The following NPHP4 variants were observed in gnomAD, a reference collection of about 807,000 sequenced individuals.
NPHP4 encodes the protein nephrocystin-4.
Under a neutral mutation model 155.8 loss-of-function variants are expected in NPHP4, and 151 were observed. The ratio of observed to expected loss-of-function variants is 0.97; its 90% confidence interval spans 0.85 to 1.11. NPHP4 has a LOEUF of 1.11. Ranked by LOEUF, NPHP4 falls within the 50% of genes least tolerant of loss-of-function variation. NPHP4 has a pLI of 0.00. For synonymous variants in NPHP4, 845 were observed against 816.8 expected (o/e 1.03, Z -0.59); for missense variants, 1,956 against 1,925.7 (o/e 1.02, Z -0.29).
chr1:5,956,148 C>T (rs906513623), intron 6 of NPHP4, among the ~76,000 whole-genome samples: 1 of 151,058 alleles, frequency 6.6e-6, no homozygotes, highest in African/African-American at 2.4e-5. Context: ...TAGGAAAGAT[C>T]ACTTGTGTGC....
chr1:5,976,482 G>A (rs1653607700), intron 3 of NPHP4, among the ~76,000 whole-genome samples: 2 of 152,292 alleles, frequency 1.3e-5, no homozygotes, highest in South Asian at 4.1e-4. Flanking sequence ...GTCTGGCATT[G>A]CCAGCACCGG....
intron 18 of NPHP4, among the ~76,000 whole-genome samples, chr1:5,883,266 C>T (rs759188695): frequency 1.5e-4 from 23 of 152,276 alleles, no homozygotes; most frequent in African/African-American, 5.3e-4. Context: ...GTTCACACTC[C>T]GGGCCACGCT....
In NPHP4 at chr1:5,937,711, C is replaced by A. The variant is rs943222338; in HGVS notation, c.1120-4382G>T. On this transcript the variant is annotated intron_variant, in intron 9 of 29. Transcript: ENST00000378156. ...AGAGCTGGGCCCAGGGGAACTGCCA[C>A]CTCGATGGAGGTGACATGTGGCACT... Among the ~76,000 whole-genome samples the A allele has an allele frequency of 6.6e-5, 10 of 152,348 alleles. 1 individual carries two copies. The highest frequency in any genetic ancestry group is 5.2e-4 in the Admixed American group (8 of 15,310).
In NPHP4 at chr1:5,947,159, G is replaced by GC. The variant is rs1647146863; in HGVS notation, c.1063dup (p.Ala355GlyfsTer47). ...CACGTACTCCAGCTGGAAGATGACC[G>GC]CAAATGCAGGGTGGCCGACCATCTC... is the stretch of plus-strand genomic sequence containing the variant. On this transcript the variant is annotated frameshift_variant, in exon 9 of 30. Transcript: ENST00000378156. LOFTEE classifies it high-confidence loss of function. The GC allele has an allele frequency of 6.2e-7, 1 of 1,613,818 alleles. No homozygotes were observed. Among genetic ancestry groups the GC allele is most frequent in the South Asian group, 1.1e-5 (1 of 91,088 alleles).
chr1:5,987,945 G>A lies in NPHP4; in HGVS notation c.-38-1618C>T, dbSNP rs182191716. 4.2e-3 allele frequency among the ~76,000 whole-genome samples: 647 copies of A among 152,326 alleles called. 7 individuals carry two copies. Among genetic ancestry groups the A allele is most frequent in the African/African-American group, 0.014 (600 of 41,558 alleles). ...TAAGAACATTTGTATCCTCTACCAT[G>A]AGCCTACTAGCTTCACACTTCTTCA... On this transcript the variant is annotated intron_variant, in intron 1 of 29. Transcript: ENST00000378156.
At chr1:5,962,324 C>CA (rs1487017588) in intron 5 of NPHP4, among the ~76,000 whole-genome samples, 1 of 152,098 alleles carries the variant, frequency 6.6e-6, no homozygotes, top group Non-Finnish European at 1.5e-5. Flanking sequence ...GGATTACAGG[C>CA]ATGAGACACC....
intron 5 of NPHP4, among the ~76,000 whole-genome samples, chr1:5,965,759 G>C (rs563840867): frequency 6.6e-6 from 1 of 152,086 alleles, no homozygotes; most frequent in Non-Finnish European, 1.5e-5. Flanking sequence ...CATCGCTGCT[G>C]CTGCCCAGCG....
At chr1:5,947,310 A>T in intron 8 of NPHP4, 80 bp from the exon 9 acceptor site, 1 of 1,522,592 alleles carries the variant, frequency 6.6e-7, no homozygotes, top group Non-Finnish European at 9.0e-7. Context: ...CACTGTCAGA[A>T]CAGTCAAGGG....
At chr1:5,937,319 G>C (rs572064094) in intron 9 of NPHP4, among the ~76,000 whole-genome samples, 3 of 152,228 alleles carry the variant, frequency 2.0e-5, no homozygotes, top group Admixed American at 1.3e-4. Context: ...CCTCAGAGCT[G>C]TGAGAGCACA....
chr1:5,867,518 G>A lies in NPHP4; in HGVS notation c.3472+222C>T. On this transcript the variant is annotated intron_variant, in intron 24 of 29. Coordinates refer to ENST00000378156, the MANE Select transcript of NPHP4 (RefSeq NM_015102.5). The surrounding 1 kb of genome is among the most constrained non-coding windows in gnomAD (Gnocchi z 4.1). ...CCGCGGGAGCTGGGATTTTTTAGAA[G>A]GGCAGACTCAGCCGGCAAATGCGCA... The A allele has an allele frequency of 3.4e-6, 2 of 596,242 alleles. No individual in the cohort carries two copies. The highest frequency in any genetic ancestry group is 5.9e-6 in the Non-Finnish European group (2 of 338,294). 36.9% of individuals were successfully genotyped at this position (596,242 alleles called of 1,614,324 possible). A position where few individuals can be genotyped will look rare whatever the true frequency, so the allele number is the denominator to read the frequency against.
chr1:5,885,893 G>C (rs1319578360), intron 18 of NPHP4, among the ~76,000 whole-genome samples: 3 of 152,220 alleles, frequency 2.0e-5, no homozygotes. Context: ...GAGTGCTGCG[G>C]GTGGATTCGA....
chr1:5,890,894 T>C lies in NPHP4; in HGVS notation c.2278A>G (p.Ile760Val), dbSNP rs1044293014. The change falls in exon 17 of 30, where the codon ATC (isoleucine) becomes GTC (valine). Residue 760 changes from isoleucine to valine, a missense_variant. Coordinates refer to ENST00000378156, the MANE Select transcript of NPHP4 (RefSeq NM_015102.5). This position sits in a 1 kb window ranked among gnomAD's most constrained non-coding sequence, Gnocchi z 4.9. ...TTCATCTGGACGGCAGCAGATCCGA[T>C]GAGCAGCAGGGAGTCTCCGTCCCAG... ...DVWDGDSLLL[I>V]GSAAVQMKHL... 9.3e-6 allele frequency: 15 copies of C among 1,610,554 alleles called. No homozygotes were observed. Among genetic ancestry groups the C allele is most frequent in the Admixed American group, 1.7e-5 (1 of 59,782 alleles).
At chr1:5,903,902 C>T (rs975158214) in intron 16 of NPHP4, among the ~76,000 whole-genome samples, 6 of 152,136 alleles carry the variant, frequency 3.9e-5, no homozygotes, top group South Asian at 4.1e-4. Context: ...AAGGGCGCAG[C>T]GGAGGTGCAG....
rs985774455 is a variant in NPHP4 at position 5,863,929 on chromosome 1, G to A, written c.4101C>T (p.Asp1367=). 9 of 1,613,790 alleles carry A rather than the reference G, an allele frequency of 5.6e-6. No homozygotes were observed. The African/African-American group carries it at 9.3e-5, about 17-fold the overall frequency. ...CTCTGAACCGCAGCAGCTCCGGGTG[G>A]TCGCTGTGCAGGTGGAATGTCCTCC... ...PSRRTFHLHS[D]HPELLRFRED... is the part of the protein sequence containing the mutation. Residue 1367 remains aspartate, a synonymous_variant, in exon 29 of 30, where the codon GAC becomes GAT. Transcript: ENST00000378156.
intron 3 of NPHP4, among the ~76,000 whole-genome samples, chr1:5,973,502 A>G (rs937077920): frequency 2.7e-4 from 41 of 152,188 alleles, no homozygotes; most frequent in African/African-American, 9.7e-4. Context: ...AGGGAGGATC[A>G]CTTGAGCCCA....
chr1:5,911,011 C>T (rs1373801962), intron 11 of NPHP4, among the ~76,000 whole-genome samples: 1 of 152,260 alleles, frequency 6.6e-6, no homozygotes, highest in African/African-American at 2.4e-5. Context: ...TAACCAGCCA[C>T]AGTAACGTGG....
chr1:5,885,835 A>C (rs1372646454), intron 18 of NPHP4, among the ~76,000 whole-genome samples: 1 of 152,170 alleles, frequency 6.6e-6, no homozygotes, highest in African/African-American at 2.4e-5. Context: ...TTTTTCCAAA[A>C]AACGCAGAAC....
intron 16 of NPHP4, among the ~76,000 whole-genome samples, chr1:5,901,514 A>T (rs1644679838): frequency 6.6e-6 from 1 of 152,224 alleles, no homozygotes; most frequent in Non-Finnish European, 1.5e-5. Context: ...TGACAAGAAA[A>T]ATTTGATTTT....
chr1:5,872,188 G>A (rs189974730), intron 23 of NPHP4, among the ~76,000 whole-genome samples: 11 of 152,328 alleles, frequency 7.2e-5, no homozygotes, highest in African/African-American at 1.4e-4. Flanking sequence ...GAATGTCCCC[G>A]TCTTCCCACG....
Sources: allele counts gnomAD v4.1 joint callset (sites outside exome capture counted in the v4.1 genomes callset), GRCh38; gene constraint gnomAD v4.1.1; non-coding constraint Gnocchi (gnomAD v3.1); transcripts MANE v1.5; gene names NCBI Gene and HGNC (gene_info 2026-07-23, HGNC 2026-07-21).